ADAM17: variants seen among roughly 807,000 people sequenced by gnomAD.
The protein encoded by ADAM17 is ADAM metallopeptidase domain 17.
ADAM17 carries 39 observed loss-of-function variants against 96.7 expected under a neutral mutation model. The ratio of observed to expected loss-of-function variants is 0.40; its 90% confidence interval spans 0.31 to 0.53. The LOEUF (loss-of-function observed/expected upper bound fraction) is 0.53. ADAM17 is among the 20% of genes least tolerant of loss of function. The probability of loss-of-function intolerance (pLI) is 0.44; values close to 1 mark genes in which losing one functional copy is unlikely to be tolerated. For synonymous variants in ADAM17, 344 were observed against 359.2 expected (o/e 0.96, Z 0.48); for missense variants, 777 against 1,013.2 (o/e 0.77, Z 3.17).
Position 9,492,673 on chromosome 2 carries a change from T to C in ADAM17, c.2082+225A>G, listed in dbSNP as rs55855916. Among the ~76,000 whole-genome samples, 27,801 of 152,138 alleles carry C rather than the reference T, an allele frequency of 0.18. 2,681 individuals carry two copies. The highest frequency in any genetic ancestry group is 0.29 in the Middle Eastern group (86 of 294). On this transcript the variant is annotated intron_variant, in intron 17 of 18. Coordinates refer to ENST00000310823, the MANE Select transcript of ADAM17 (RefSeq NM_003183.6). ...TTAAAAGTATAAAATTCCTAAGAAA[T>C]TTATATATTAAAACACCAACACACA... is the stretch of plus-strand genomic sequence containing the variant.
At chr2:9,507,658 A>C (rs536900202) in intron 11 of ADAM17, among the ~76,000 whole-genome samples, 24 of 152,212 alleles carry the variant, frequency 1.6e-4, no homozygotes, top group African/African-American at 5.8e-4. Context: ...ATTGATACAG[A>C]CTGGCAGCTC....
At chr2:9,503,490 T>C (rs1366987614) in intron 12 of ADAM17, among the ~76,000 whole-genome samples, 1 of 152,142 alleles carries the variant, frequency 6.6e-6, no homozygotes, top group Admixed American at 6.5e-5. Flanking sequence ...GATGTAGCCA[T>C]AAAAAAACCT....
intron 10 of ADAM17, among the ~76,000 whole-genome samples, chr2:9,515,974 C>A (rs1486297221): frequency 6.6e-6 from 1 of 151,986 alleles, no homozygotes; most frequent in Non-Finnish European, 1.5e-5. Context: ...ACTAATGTTG[C>A]CCAGGATGGG....
rs1664284564 is a variant in ADAM17, at chr2:9,520,984, AAAG to A, written c.957+216_957+218del. Among the ~76,000 whole-genome samples, 2 of 147,778 alleles carry A rather than the reference AAAG, an allele frequency of 1.4e-5. 1 individual carries two copies. Among genetic ancestry groups the A allele is most frequent in the Non-Finnish European group, 3.0e-5 (2 of 66,588 alleles). ...TGTCTCAAAAAAAAAAAAAAAAAAA[AAAG>A]GAAGCATTGCTTTATAGCGTTTTTC... is the stretch of plus-strand genomic sequence containing the variant. On this transcript the variant is annotated intron_variant, in intron 8 of 18. Coordinates refer to ENST00000310823, the MANE Select transcript of ADAM17 (RefSeq NM_003183.6).
intron 2 of ADAM17, among the ~76,000 whole-genome samples, chr2:9,537,243 C>T (rs1393020010): frequency 6.6e-6 from 1 of 152,162 alleles, no homozygotes; most frequent in Non-Finnish European, 1.5e-5. Context: ...CTATTATCCC[C>T]ACTTCACACA....
chr2:9,499,209 T>A (rs1662844083), intron 13 of ADAM17, among the ~76,000 whole-genome samples: 1 of 151,976 alleles, frequency 6.6e-6, no homozygotes, highest in African/African-American at 2.4e-5. Flanking sequence ...TATCTACTAT[T>A]TTGTATAAAA....
Position 9,490,328 on chromosome 2 carries a change from T to A in ADAM17, c.2324A>T (p.Asp775Val). Residue 775 changes from aspartate (D) to valine (V), a missense_variant, in exon 19 of 19, where the codon GAT (aspartate) becomes GTT (valine). Coordinates refer to ENST00000310823, the MANE Select transcript of ADAM17 (RefSeq NM_003183.6). ...TGGGAAGGGGTCCTTCTCAAACCCA[T>A]CCTCGTCCATATGTGAGTCTGTGCT... The part of the protein sequence containing the change: ...DPSTDSHMDE[D>V]GFEKDPFPNS... 6.2e-7 allele frequency: 1 copy of A among 1,614,092 alleles called. No homozygotes were observed. Among genetic ancestry groups the A allele is most frequent in the Non-Finnish European group, 8.5e-7 (1 of 1,180,016 alleles).
chr2:9,501,080 G>A (rs1183797730), intron 13 of ADAM17, among the ~76,000 whole-genome samples: 1 of 152,122 alleles, frequency 6.6e-6, no homozygotes, highest in East Asian at 1.9e-4. Flanking sequence ...CCAAATGGAT[G>A]ATTACATAAG....
At chr2:9,552,565 A>G (rs1452290605) in intron 1 of ADAM17, among the ~76,000 whole-genome samples, 8 of 152,238 alleles carry the variant, frequency 5.3e-5, no homozygotes, top group African/African-American at 1.9e-4. Context: ...CCCCATGCCA[A>G]TAACCTCAAG....
At chr2:9,512,824 C>G (rs974965447) in intron 10 of ADAM17, among the ~76,000 whole-genome samples, 2 of 152,098 alleles carry the variant, frequency 1.3e-5, no homozygotes, top group African/African-American at 4.8e-5. Context: ...AAACAGGATT[C>G]AGAGAGCTTC....
At position 9,497,315 on chromosome 2, in the gene ADAM17, A is replaced by C. The variant is rs1376318784; in HGVS notation, c.1649-67T>G. The C allele has an allele frequency of 1.9e-5, 30 of 1,586,718 alleles. No individual in the cohort carries two copies. In the Admixed American group the frequency reaches 2.9e-4, roughly 16 times the overall value. ...GGTCCACCAGTTCTACAGGTGCATA[A>C]TACGCTGTTTCTCATACAAGTGAGC... On this transcript the variant is annotated intron_variant, in intron 13 of 18. Transcript: ENST00000310823.
intron 10 of ADAM17, chr2:9,512,427 T>C (rs1663794544): frequency 6.6e-6 from 1 of 152,218 alleles, no homozygotes; most frequent in Admixed American, 6.5e-5. Context: ...TATGTTTCTG[T>C]CCATGGCTCC....
chr2:9,547,648 A>G (rs1040824178), intron 1 of ADAM17, among the ~76,000 whole-genome samples: 3 of 152,158 alleles, frequency 2.0e-5, no homozygotes, highest in Non-Finnish European at 4.4e-5. Context: ...GTACAGAGAG[A>G]ATATGAAGTG....
intron 10 of ADAM17, among the ~76,000 whole-genome samples, chr2:9,510,926 TAAG>T (rs1190499868): frequency 6.6e-6 from 1 of 152,194 alleles, no homozygotes; most frequent in Non-Finnish European, 1.5e-5. Context: ...AACATTATTG[TAAG>T]TAGTAACAAA....
intron 2 of ADAM17, among the ~76,000 whole-genome samples, chr2:9,538,013 AGG>A (rs1665055024): frequency 7.0e-5 from 1 of 14,336 alleles, no homozygotes; most frequent in Non-Finnish European, 1.4e-4. Context: ...AAGGGAGGGG[AGG>A]AGAGGGGAGG....
chr2:9,534,606 T>C (rs921770201), intron 4 of ADAM17, among the ~76,000 whole-genome samples: 4 of 152,178 alleles, frequency 2.6e-5, no homozygotes, highest in Non-Finnish European at 5.9e-5. Context: ...CATAATCATA[T>C]TGTTAAACGA....
chr2:9,541,522 C>T (rs2125039496), intron 2 of ADAM17, among the ~76,000 whole-genome samples: 1 of 152,254 alleles, frequency 6.6e-6, no homozygotes, highest in East Asian at 1.9e-4. Flanking sequence ...AAGATCGTGC[C>T]ATTGCACTCC....
chr2:9,515,035 A>G (rs1004292561), intron 10 of ADAM17, among the ~76,000 whole-genome samples: 2 of 152,178 alleles, frequency 1.3e-5, no homozygotes, highest in African/African-American at 4.8e-5. Flanking sequence ...TAAATCACCC[A>G]AAGTCCACAG....
At chr2:9,551,749 G>A (rs896000244) in intron 1 of ADAM17, among the ~76,000 whole-genome samples, 3 of 152,082 alleles carry the variant, frequency 2.0e-5, no homozygotes, top group African/African-American at 4.8e-5. Context: ...ATGAGCCACC[G>A]CGCCTGGCCT....
Sources: gnomAD v4.1 joint callset for allele counts (sites outside exome capture counted in the v4.1 genomes callset) on GRCh38, gnomAD v4.1.1 for gene constraint, MANE v1.5 for transcripts, NCBI Gene and HGNC (gene_info 2026-07-23, HGNC 2026-07-21) for gene names.